KCNK13: variants seen among roughly 807,000 people sequenced by gnomAD.
The protein encoded by KCNK13 is potassium two pore domain channel subfamily K member 13.
Under a neutral mutation model 23.4 loss-of-function variants are expected in KCNK13, and 12 were observed. The observed-to-expected ratio is 0.51, with a 90% CI of 0.33 to 0.83. The LOEUF (loss-of-function observed/expected upper bound fraction) is 0.83, where lower values mean the gene tolerates loss of function less well. Ranked by LOEUF, KCNK13 falls within the 40% of genes least tolerant of loss-of-function variation. KCNK13 has a pLI of 0.02. For missense variants in KCNK13, 463 were observed against 556.3 expected (o/e 0.83, Z 1.69); for synonymous variants, 231 against 229.5 (o/e 1.01, Z -0.06).
Position 90,184,994 on chromosome 14 carries a change from G to A in KCNK13, c.1218G>A (p.Gly406=). 1 of 1,586,136 alleles carries A rather than the reference G, an allele frequency of 6.3e-7. No individual in the cohort carries two copies. The highest frequency in any genetic ancestry group is 1.1e-5 in the South Asian group (1 of 87,758). ...IMNNRLAETS[G]DR is the part of the protein sequence containing the mutation. ...ACAACAGGTTGGCAGAGACCAGTGG[G>A]GACAGGTAGAAGCCAGGAGTGGATG... is the stretch of plus-strand genomic sequence containing the variant. The change falls in exon 2 of 2, where the codon GGG becomes GGA. Residue 406 remains glycine, a synonymous_variant. Coordinates refer to ENST00000282146, the MANE Select transcript of KCNK13 (RefSeq NM_022054.4). The surrounding 1 kb of genome is among the most constrained non-coding windows in gnomAD (Gnocchi z 5.6).
intron 1 of KCNK13, among the ~76,000 whole-genome samples, chr14:90,168,114 C>T (rs1229614148): frequency 1.3e-5 from 2 of 152,148 alleles, no homozygotes; most frequent in African/African-American, 4.8e-5. Context: ...TGGCTCACTA[C>T]TGTAATCCCA....
At chr14:90,082,244 T>TC (rs1402386594) in intron 1 of KCNK13, among the ~76,000 whole-genome samples, 1 of 151,592 alleles carries the variant, frequency 6.6e-6, no homozygotes, top group African/African-American at 2.4e-5. Flanking sequence ...TTTTTTTTTT[T>TC]AGTAGAGACA....
Position 90,184,465 on chromosome 14 carries a change from TC to T in KCNK13, c.690del (p.Cys231ValfsTer57), listed in dbSNP as rs1890524026. ...TGGAGCTACTTTGACTCACTCTACT[TC>T]TGTTTTGTGGCTTTCAGCACCATTG... is the stretch of plus-strand genomic sequence containing the variant. ...EGWSYFDSLYFCFVAFSTIGF... is the reference protein window; with the variant it reads ...EGWSYFDSLYXCFVAFSTIGF... On this transcript the variant is annotated frameshift_variant, in exon 2 of 2. Transcript: ENST00000282146. LOFTEE classifies it high-confidence loss of function. This position sits in a 1 kb window ranked among gnomAD's most constrained non-coding sequence, Gnocchi z 5.6. The T allele has an allele frequency of 6.2e-7, 1 of 1,614,080 alleles. No homozygotes were observed. The highest frequency in any genetic ancestry group is 1.3e-5 in the African/African-American group (1 of 74,922).
chr14:90,139,339 C>T (rs1033811082), intron 1 of KCNK13, among the ~76,000 whole-genome samples: 3 of 151,970 alleles, frequency 2.0e-5, no homozygotes, highest in African/African-American at 4.8e-5. Context: ...AATGAGGAAT[C>T]GGGGAAGAGC....
At chr14:90,086,810 C>T (rs1458462506) in intron 1 of KCNK13, among the ~76,000 whole-genome samples, 1 of 152,016 alleles carries the variant, frequency 6.6e-6, no homozygotes, top group Non-Finnish European at 1.5e-5. Context: ...TTAAGCCGGG[C>T]CCATGAATAG....
At chr14:90,074,208 T>C (rs1889109862) in intron 1 of KCNK13, among the ~76,000 whole-genome samples, 1 of 152,252 alleles carries the variant, frequency 6.6e-6, no homozygotes, top group Admixed American at 6.5e-5. Flanking sequence ...GACCTCGTGA[T>C]CCACCCGCCT....
chr14:90,121,107 A>G (rs753074503), intron 1 of KCNK13, among the ~76,000 whole-genome samples: 1 of 152,180 alleles, frequency 6.6e-6, no homozygotes, highest in Non-Finnish European at 1.5e-5. Flanking sequence ...CATGACAATG[A>G]GGGTGAGGGA....
At chr14:90,128,744 C>T (rs1231066739) in intron 1 of KCNK13, among the ~76,000 whole-genome samples, 3 of 152,132 alleles carry the variant, frequency 2.0e-5, no homozygotes, top group African/African-American at 7.2e-5. Flanking sequence ...GAGCAGCATT[C>T]TCCGAATTGA....
chr14:90,077,117 C>CTTTTTT (rs373759289), intron 1 of KCNK13, among the ~76,000 whole-genome samples: 3 of 92,326 alleles, frequency 3.2e-5, no homozygotes, highest in African/African-American at 4.6e-5. Flanking sequence ...CCGCACCTGG[C>CTTTTTT]TTTTTTTTTT....
intron 1 of KCNK13, among the ~76,000 whole-genome samples, chr14:90,177,492 G>T (rs1260912803): frequency 6.6e-6 from 1 of 152,142 alleles, no homozygotes; most frequent in Non-Finnish European, 1.5e-5. Context: ...CTTCCCCCAA[G>T]GGAATCTGAT....
intron 1 of KCNK13, among the ~76,000 whole-genome samples, chr14:90,164,933 A>G (rs972783147): frequency 6.6e-6 from 1 of 152,080 alleles, no homozygotes; most frequent in Non-Finnish European, 1.5e-5. Context: ...CACACTGTTC[A>G]TTTCGCATAC....
chr14:90,088,838 G>A (rs1399811492), intron 1 of KCNK13, among the ~76,000 whole-genome samples: 1 of 152,184 alleles, frequency 6.6e-6, no homozygotes, highest in African/African-American at 2.4e-5. Flanking sequence ...TCATGATAGA[G>A]AATGAGTCTC....
intron 1 of KCNK13, among the ~76,000 whole-genome samples, chr14:90,182,092 G>A (rs570301529): frequency 5.9e-5 from 9 of 152,246 alleles, no homozygotes; most frequent in East Asian, 1.9e-4. Flanking sequence ...CCTGTCCCTC[G>A]ATCCTCCCTT....
intron 1 of KCNK13, among the ~76,000 whole-genome samples, chr14:90,178,520 C>A (rs989847536): frequency 6.6e-6 from 1 of 151,782 alleles, no homozygotes; most frequent in African/African-American, 2.4e-5. Flanking sequence ...GAACTCCCGA[C>A]CTCAGGTGAT....
chr14:90,172,980 C>A (rs1028175594), intron 1 of KCNK13, among the ~76,000 whole-genome samples: 3 of 152,214 alleles, frequency 2.0e-5, no homozygotes, highest in African/African-American at 7.2e-5. Context: ...TGCCCCCTTC[C>A]AAGCCTCACT....
chr14:90,125,030 G>A (rs1889780101), intron 1 of KCNK13, among the ~76,000 whole-genome samples: 1 of 152,134 alleles, frequency 6.6e-6, no homozygotes, highest in Non-Finnish European at 1.5e-5. Flanking sequence ...TTTGATGGAA[G>A]TTCCAGCTAA....
intron 1 of KCNK13, among the ~76,000 whole-genome samples, chr14:90,099,862 C>A (rs1204396195): frequency 6.6e-6 from 1 of 152,084 alleles, no homozygotes; most frequent in Non-Finnish European, 1.5e-5. Flanking sequence ...TTTTTTCTTC[C>A]AGGGGAGGTA....
At position 90,137,369 on chromosome 14, in the gene KCNK13, G is replaced by A. The variant is rs187390075; in HGVS notation, c.335-46742G>A. Among the ~76,000 whole-genome samples the A allele has an allele frequency of 9.2e-4, 140 of 152,114 alleles. 1 individual carries two copies. The highest frequency in any genetic ancestry group is 3.2e-3 in the African/African-American group (132 of 41,490). On this transcript the variant is annotated intron_variant, in intron 1 of 1. Coordinates refer to ENST00000282146, the MANE Select transcript of KCNK13 (RefSeq NM_022054.4). Reference sequence around the variant, plus strand: ...GGAATCTTGCTCTGTCGCCCAGGCTGGAGAGCAGTGGCATGATCTCGGCTC... The same window carrying A: ...GGAATCTTGCTCTGTCGCCCAGGCTAGAGAGCAGTGGCATGATCTCGGCTC...
At chr14:90,108,825 T>G (rs1889577201) in intron 1 of KCNK13, among the ~76,000 whole-genome samples, 1 of 152,120 alleles carries the variant, frequency 6.6e-6, no homozygotes. Flanking sequence ...TTGAGAAAAC[T>G]TACAGCCCCC....
Sources: allele counts gnomAD v4.1 joint callset (sites outside exome capture counted in the v4.1 genomes callset), GRCh38; gene constraint gnomAD v4.1.1; non-coding constraint Gnocchi (gnomAD v3.1); transcripts MANE v1.5; gene names NCBI Gene and HGNC (gene_info 2026-07-23, HGNC 2026-07-21).